The following HEMK2 variants were observed in gnomAD, a reference collection of about 807,000 sequenced individuals.
HEMK2 encodes the protein HemK methyltransferase 2, ETF1 glutamine and histone H4 lysine.
the HEMK2 span, among the ~76,000 whole-genome samples, chr21:28,802,903 G>C: frequency 6.6e-6 from 1 of 152,242 alleles, no homozygotes; most frequent in Non-Finnish European, 1.5e-5. Context: ...GTAGATGCTT[G>C]TTTATATCAT....
At chr21:28,707,201 T>A in the HEMK2 span, among the ~76,000 whole-genome samples, 5 of 152,046 alleles carry the variant, frequency 3.3e-5, no homozygotes, top group Admixed American at 3.3e-4. Flanking sequence ...AACATCTTAA[T>A]GAAAATTTAC....
chr21:28,885,283 G>A, the HEMK2 span: 2 of 1,592,882 alleles, frequency 1.3e-6, no homozygotes, highest in South Asian at 1.1e-5. Flanking sequence ...GCTCGTACAC[G>A]TCGCTGAAGG....
the HEMK2 span, chr21:28,878,238 T>G: frequency 1.2e-6 from 2 of 1,603,560 alleles, no homozygotes; most frequent in Non-Finnish European, 1.7e-6. Context: ...ATCCTCTTGG[T>G]GAAAGGAGAT....
At chr21:28,676,521 C>A in the HEMK2 span, among the ~76,000 whole-genome samples, 2 of 151,570 alleles carry the variant, frequency 1.3e-5, no homozygotes, top group African/African-American at 4.9e-5. Flanking sequence ...CCTGAAAGAT[C>A]AAAATCCTGA....
At chr21:28,754,594 C>T in the HEMK2 span, among the ~76,000 whole-genome samples, 2 of 152,208 alleles carry the variant, frequency 1.3e-5, no homozygotes, top group Admixed American at 6.5e-5. Flanking sequence ...GACACAACCT[C>T]ATTGTGTAAG....
chr21:28,881,365 A>T, the HEMK2 span, among the ~76,000 whole-genome samples: 1 of 152,236 alleles, frequency 6.6e-6, no homozygotes, highest in Non-Finnish European at 1.5e-5. Context: ...CTTTGGCCAC[A>T]GCAAAAGGTT....
chr21:28,827,417 A>G, the HEMK2 span, among the ~76,000 whole-genome samples: 1 of 152,178 alleles, frequency 6.6e-6, no homozygotes, highest in African/African-American at 2.4e-5. Flanking sequence ...GAGAGATCAG[A>G]GTCTCATCAA....
chr21:28,656,415 C>A, the HEMK2 span, among the ~76,000 whole-genome samples: 1 of 151,954 alleles, frequency 6.6e-6, no homozygotes, highest in Non-Finnish European at 1.5e-5. Context: ...ACTTCCAAAT[C>A]CCACTCAAAT....
At chr21:28,851,173 C>A in the HEMK2 span, among the ~76,000 whole-genome samples, 3 of 152,186 alleles carry the variant, frequency 2.0e-5, no homozygotes, top group Non-Finnish European at 2.9e-5. Context: ...GAGTAGTTAT[C>A]TGCAGAAGAT....
the HEMK2 span, among the ~76,000 whole-genome samples, chr21:28,739,870 A>G: frequency 3.3e-5 from 5 of 152,208 alleles, no homozygotes; most frequent in South Asian, 2.1e-4. Flanking sequence ...TACACACCCA[A>G]GGTTTTCCAA....
the HEMK2 span, among the ~76,000 whole-genome samples, chr21:28,751,956 A>C: frequency 6.6e-6 from 1 of 151,616 alleles, no homozygotes; most frequent in Admixed American, 6.6e-5. Flanking sequence ...ATGCCTGGCC[A>C]AGATTTATTT....
the HEMK2 span, among the ~76,000 whole-genome samples, chr21:28,798,462 C>T: frequency 1.4e-4 from 22 of 152,184 alleles, no homozygotes; most frequent in African/African-American, 4.1e-4. Context: ...GTTCAGCAGT[C>T]ATTCTGTGCT....
the HEMK2 span, among the ~76,000 whole-genome samples, chr21:28,603,578 T>TGTGTGTGC: frequency 1.3e-5 from 2 of 151,500 alleles, no homozygotes; most frequent in Admixed American, 6.6e-5. Context: ...TGTGTGTGTG[T>TGTGTGTGC]GTGTGTGTGT....
chr21:28,720,069 A>T, the HEMK2 span, among the ~76,000 whole-genome samples: 1 of 152,216 alleles, frequency 6.6e-6, no homozygotes, highest in South Asian at 2.1e-4. Context: ...CTGCTTAAAA[A>T]GTTCCCAAGC....
the HEMK2 span, among the ~76,000 whole-genome samples, chr21:28,583,785 T>A: frequency 6.6e-6 from 1 of 152,210 alleles, no homozygotes; most frequent in Non-Finnish European, 1.5e-5. Context: ...ACAACTGCTA[T>A]TTTATGCTCA....
chr21:28,683,479 G>A, the HEMK2 span, among the ~76,000 whole-genome samples: 1 of 152,158 alleles, frequency 6.6e-6, no homozygotes, highest in Non-Finnish European at 1.5e-5. Context: ...CGTCATCACT[G>A]TAAGTAGCCC....
chr21:28,837,000 T>C, the HEMK2 span, among the ~76,000 whole-genome samples: 14 of 152,052 alleles, frequency 9.2e-5, no homozygotes, highest in Admixed American at 2.6e-4. Flanking sequence ...CAATCATAAA[T>C]CTGAAAATAT....
chr21:28,630,232 C>T, the HEMK2 span, among the ~76,000 whole-genome samples: 1 of 151,986 alleles, frequency 6.6e-6, no homozygotes, highest in Admixed American at 6.6e-5. Context: ...CAATGCGATA[C>T]CATCTCACAC....
At chr21:28,769,171 T>A in the HEMK2 span, among the ~76,000 whole-genome samples, 2 of 152,098 alleles carry the variant, frequency 1.3e-5, no homozygotes, top group Non-Finnish European at 2.9e-5. Context: ...AGGAGATCTC[T>A]CCAGATGTCA....
Sources: gnomAD v4.1 joint callset for allele counts (sites outside exome capture counted in the v4.1 genomes callset) on GRCh38, gnomAD v4.1.1 for gene constraint, MANE v1.5 for transcripts, NCBI Gene and HGNC (gene_info 2026-07-23, HGNC 2026-07-21) for gene names.